XYLT1: variants seen among roughly 807,000 people sequenced by gnomAD.
XYLT1 encodes the protein beta-D-xylosyltransferase 1.
XYLT1 carries 36 observed loss-of-function variants against 91.3 expected under a neutral mutation model. The ratio of observed to expected loss-of-function variants is 0.39; its 90% CI spans 0.30 to 0.52. The LOEUF (loss-of-function observed/expected upper bound fraction) is 0.52, where lower values mean the gene tolerates loss of function less well. Among genes scored for constraint, XYLT1 ranks in the 20% least tolerant of loss-of-function variants. XYLT1 has a pLI of 0.68. For synonymous variants in XYLT1, 588 were observed against 532.0 expected, an observed-to-expected ratio of 1.11 and a Z score of -1.45; for missense variants, 1,242 against 1,284.5, an observed-to-expected ratio of 0.97 and a Z score of 0.51.
intron 1 of XYLT1, 80 bp from the exon 2 acceptor site, chr16:17,358,130 C>A: frequency 8.9e-7 from 1 of 1,118,274 alleles, no homozygotes; most frequent in Non-Finnish European, 1.2e-6. Context: ...TCTTTCTTTC[C>A]TTTTTTTTTT....
At chr16:17,136,210 G>A (rs1299687054) in intron 8 of XYLT1, among the ~76,000 whole-genome samples, 1 of 152,172 alleles carries the variant, frequency 6.6e-6, no homozygotes, top group Non-Finnish European at 1.5e-5. Context: ...AGAAAACTGA[G>A]CTCAGAGAGG....
chr16:17,400,872 G>A (rs1414745298), intron 1 of XYLT1, among the ~76,000 whole-genome samples: 12 of 151,964 alleles, frequency 7.9e-5, no homozygotes, highest in African/African-American at 2.9e-4. Context: ...TGGGAAAGTA[G>A]TAACCCTATA....
At chr16:17,253,873 G>C (rs995118941) in intron 3 of XYLT1, among the ~76,000 whole-genome samples, 1 of 145,494 alleles carries the variant, frequency 6.9e-6, no homozygotes, top group African/African-American at 2.6e-5. Flanking sequence ...CGAGCCTGCA[G>C]GTGGAAGAAC....
chr16:17,398,283 G>C (rs999216383), intron 1 of XYLT1, among the ~76,000 whole-genome samples: 1 of 152,200 alleles, frequency 6.6e-6, no homozygotes, highest in Non-Finnish European at 1.5e-5. Flanking sequence ...CTGGAATCAA[G>C]ACAAAGAAAG....
chr16:17,179,051 A>T (rs904974273), intron 5 of XYLT1, among the ~76,000 whole-genome samples: 1 of 151,946 alleles, frequency 6.6e-6, no homozygotes, highest in African/African-American at 2.4e-5. Flanking sequence ...CCAGGGTGAC[A>T]GAATGAGACC....
At chr16:17,127,966 C>T (rs2030322713) in intron 9 of XYLT1, 105 bp from the exon 10 acceptor site, 13 of 1,016,948 alleles carry the variant, frequency 1.3e-5, no homozygotes, top group Non-Finnish European at 1.7e-5. Context: ...CCCCATTGTG[C>T]ACAATGCCTA....
At chr16:17,318,974 G>C (rs1354642341) in intron 2 of XYLT1, among the ~76,000 whole-genome samples, 1 of 151,994 alleles carries the variant, frequency 6.6e-6, no homozygotes, top group Non-Finnish European at 1.5e-5. Context: ...TTTTAGTAGA[G>C]ACAGGGTTTC....
At chr16:17,153,019 A>T (rs1481577286) in intron 6 of XYLT1, among the ~76,000 whole-genome samples, 1 of 152,024 alleles carries the variant, frequency 6.6e-6, no homozygotes, top group African/African-American at 2.4e-5. Context: ...CATGAGAGTT[A>T]TTGAACATAA....
chr16:17,189,123 G>A (rs1245751451), intron 5 of XYLT1, among the ~76,000 whole-genome samples: 3 of 152,178 alleles, frequency 2.0e-5, no homozygotes, highest in South Asian at 2.1e-4. Flanking sequence ...TCACTGGGCT[G>A]ACCTAAGCAC....
intron 5 of XYLT1, among the ~76,000 whole-genome samples, chr16:17,189,720 A>T (rs2032266995): frequency 6.6e-6 from 1 of 152,248 alleles, no homozygotes; most frequent in Admixed American, 6.5e-5. Flanking sequence ...AGGTCACCAA[A>T]TGTCATATAC....
At chr16:17,159,395 G>A (rs1307486603) in intron 5 of XYLT1, among the ~76,000 whole-genome samples, 3 of 151,996 alleles carry the variant, frequency 2.0e-5, no homozygotes, top group South Asian at 2.1e-4. Flanking sequence ...CCTGCCTCCC[G>A]CTCTCTCCCC....
chr16:17,121,544 T>C (rs537016384), intron 10 of XYLT1, among the ~76,000 whole-genome samples: 2 of 152,320 alleles, frequency 1.3e-5, no homozygotes, highest in East Asian at 1.9e-4. Flanking sequence ...TGGCTTTCCA[T>C]TGCGTTTATT....
At chr16:17,436,116 T>C (rs1251329061) in intron 1 of XYLT1, among the ~76,000 whole-genome samples, 1 of 152,210 alleles carries the variant, frequency 6.6e-6, no homozygotes, top group Non-Finnish European at 1.5e-5. Context: ...CTCTCTTACC[T>C]GCCATCAAGT....
chr16:17,232,452 T>TAC (rs2033180365), intron 3 of XYLT1, among the ~76,000 whole-genome samples: 1 of 141,532 alleles, frequency 7.1e-6, no homozygotes, highest in Non-Finnish European at 1.5e-5. Flanking sequence ...TATATATACA[T>TAC]ATATATATAT....
At chr16:17,253,084 A>G (rs1215180364) in intron 3 of XYLT1, among the ~76,000 whole-genome samples, 2 of 152,232 alleles carry the variant, frequency 1.3e-5, no homozygotes, top group African/African-American at 2.4e-5. Flanking sequence ...CATGGTTTCC[A>G]GAAAGGGAAC....
chr16:17,315,344 C>T lies in XYLT1; in HGVS notation c.402+42668G>A, dbSNP rs547357424. ...GCATTTGCACATGTTCTTCCCCCTA[C>T]TGGCATGTTCTTCTCCCCAGCCTCA... is the stretch of plus-strand genomic sequence containing the variant. On this transcript the variant is annotated intron_variant, in intron 2 of 11. Transcript: ENST00000261381. Among the ~76,000 whole-genome samples, 2 of 152,376 alleles carry T rather than the reference C, an allele frequency of 1.3e-5. 1 individual carries two copies. Among genetic ancestry groups the T allele is most frequent in the South Asian group, 4.1e-4 (2 of 4,832 alleles).
chr16:17,394,506 G>A (rs935781725), intron 1 of XYLT1, among the ~76,000 whole-genome samples: 2 of 152,228 alleles, frequency 1.3e-5, no homozygotes, highest in Non-Finnish European at 2.9e-5. Flanking sequence ...CCTGGAGGCA[G>A]CAGTCCATCC....
intron 7 of XYLT1, 66 bp downstream of exon 7, chr16:17,141,079 ATTCAGCAT>A: frequency 6.8e-7 from 1 of 1,477,752 alleles, no homozygotes; most frequent in South Asian, 1.2e-5. Context: ...TTTGCCAAAA[ATTCAGCAT>A]CTGCTTTGCC....
intron 2 of XYLT1, among the ~76,000 whole-genome samples, chr16:17,294,080 C>A (rs947780506): frequency 8.5e-5 from 13 of 152,116 alleles, no homozygotes; most frequent in Admixed American, 2.6e-4. Context: ...TTAGGAATGC[C>A]CTGGGCGACT....
Sources: allele counts gnomAD v4.1 joint callset (sites outside exome capture counted in the v4.1 genomes callset), GRCh38; gene constraint gnomAD v4.1.1; transcripts MANE v1.5; gene names NCBI Gene and HGNC (gene_info 2026-07-23, HGNC 2026-07-21).